SLC2A5: variants seen among roughly 807,000 people sequenced by gnomAD.
SLC2A5 encodes the protein solute carrier family 2 member 5.
SLC2A5 carries 56 observed loss-of-function variants against 50.3 expected under a neutral mutation model. The observed-to-expected ratio is 1.11, with a 90% confidence interval of 0.90 to 1.39. The LOEUF (loss-of-function observed/expected upper bound fraction) is 1.39. Among genes scored for constraint, SLC2A5 ranks in the 40% most tolerant of loss-of-function variants. SLC2A5 has a pLI of 0.00. For synonymous variants in SLC2A5, 269 were observed against 281.9 expected (o/e 0.95, Z 0.46); for missense variants, 566 against 650.1 (o/e 0.87, Z 1.41).
At chr1:9,080,941 T>C (rs1305779025) in intron 2 of SLC2A5, among the ~76,000 whole-genome samples, 1 of 152,088 alleles carries the variant, frequency 6.6e-6, no homozygotes, top group Non-Finnish European at 1.5e-5. Context: ...GCCAATAACC[T>C]CATCAAAATG....
intron 3 of SLC2A5, among the ~76,000 whole-genome samples, chr1:9,050,959 T>C (rs1453508620): frequency 1.3e-5 from 2 of 152,188 alleles, no homozygotes; most frequent in Non-Finnish European, 2.9e-5. Context: ...ACTGGACTGA[T>C]GAAATTCCAG....
intron 1 of SLC2A5, among the ~76,000 whole-genome samples, chr1:9,066,095 C>T (rs372735493): frequency 2.0e-5 from 3 of 152,142 alleles, no homozygotes; most frequent in Admixed American, 6.6e-5. Flanking sequence ...AGTGAGGACC[C>T]GGAGAGCACA....
rs946325459 is a variant in SLC2A5, at chr1:9,035,941, G to A, written c.*1645C>T. On this transcript the variant is annotated 3_prime_UTR_variant, in exon 12 of 12. Coordinates refer to ENST00000377424, the MANE Select transcript of SLC2A5 (RefSeq NM_003039.3). ...TCATGAGGCTGATTCACTACCATGA[G>A]AACAGTATGGGGGAAATTGCCCCCA... is the stretch of plus-strand genomic sequence containing the variant. The A allele has an allele frequency of 2.0e-5, 3 of 152,266 alleles. No individual in the cohort carries two copies. The highest frequency in any genetic ancestry group is 7.2e-5 in the African/African-American group (3 of 41,546). The allele number at this position is 152,266 out of a possible 1,614,324, so 9.4% of individuals were successfully genotyped here.
At chr1:9,093,379 T>C (rs12061918), upstream of SLC2A5, among the ~76,000 whole-genome samples, 31,438 of 152,120 alleles carry the variant, frequency 0.21, 3,791 homozygotes, top group East Asian at 0.52. Context: ...AGCCTTCTGT[T>C]ACATCTCCAC....
At chr1:9,059,688 C>T (rs955913263) in intron 1 of SLC2A5, among the ~76,000 whole-genome samples, 19 of 151,758 alleles carry the variant, frequency 1.3e-4, no homozygotes, top group African/African-American at 4.6e-4. Context: ...TGCCATCATG[C>T]CTGGCTAATT....
At chr1:9,065,543 A>G (rs1027529239) in intron 1 of SLC2A5, among the ~76,000 whole-genome samples, 3 of 152,208 alleles carry the variant, frequency 2.0e-5, no homozygotes, top group Admixed American at 6.5e-5. Flanking sequence ...CAGTTTCACA[A>G]ACAGGTAGTG....
At chr1:9,090,812 C>A (rs11487892), upstream of SLC2A5, among the ~76,000 whole-genome samples, 1 of 152,174 alleles carries the variant, frequency 6.6e-6, no homozygotes. Context: ...TCAATTAGAC[C>A]TCTCCCAACT....
rs373259018 is a variant in SLC2A5 at position 9,038,018 on chromosome 1, A to G, written c.1181T>C (p.Ile394Thr). 7 of 1,613,634 alleles carry G rather than the reference A, an allele frequency of 4.3e-6. No homozygotes were observed. The highest frequency in any genetic ancestry group is 4.0e-5 in the African/African-American group (3 of 74,908). Residue 394 changes from isoleucine to threonine, a missense_variant, in exon 11 of 12, where the codon ATA becomes ACA. By Grantham distance (89) the Ile-to-Thr change is moderately conservative. Coordinates refer to ENST00000377424, the MANE Select transcript of SLC2A5 (RefSeq NM_003039.3). Reference sequence around the variant, plus strand: ...GATCTCAGTGATGAGCAGCGCGGGTATGGGACCTGTAGGGGGAGGAGAGCA... The same window carrying G: ...GATCTCAGTGATGAGCAGCGCGGGTGTGGGACCTGTAGGGGGAGGAGAGCA... ...VIGHALGPSP[I>T]PALLITEIFL...
intron 3 of SLC2A5, among the ~76,000 whole-genome samples, chr1:9,049,387 C>A (rs1453868337): frequency 1.3e-5 from 2 of 152,220 alleles, no homozygotes; most frequent in Admixed American, 6.5e-5. Flanking sequence ...TCAAGGCTTA[C>A]CATAAAGCTA....
chr1:9,040,041 G>C lies in SLC2A5; in HGVS notation c.697+23C>G. 6.3e-7 allele frequency: 1 copy of C among 1,582,556 alleles called. No homozygotes were observed. Among genetic ancestry groups the C allele is most frequent in the Non-Finnish European group, 8.6e-7 (1 of 1,161,022 alleles). On this transcript the variant is annotated intron_variant, in intron 6 of 11. Coordinates refer to ENST00000377424, the MANE Select transcript of SLC2A5 (RefSeq NM_003039.3). This position sits in a 1 kb window ranked among gnomAD's most constrained non-coding sequence, Gnocchi z 4.3. ...GGCTGGGGAGCAGAACCTGGAGGCC[G>C]CCCCCGCCAGAGCCCTCGTTACCTT... is the stretch of plus-strand genomic sequence containing the variant.
chr1:9,069,481 C>T (rs777224083), intron 1 of SLC2A5, 23 bp downstream of exon 1: 2 of 1,613,546 alleles, frequency 1.2e-6, no homozygotes, highest in Non-Finnish European at 1.7e-6. Flanking sequence ...CTCTTGGCCC[C>T]TTTCCCTGAG....
upstream of SLC2A5, among the ~76,000 whole-genome samples, chr1:9,092,819 T>A (rs1642472779): frequency 6.6e-6 from 1 of 152,084 alleles, no homozygotes; most frequent in East Asian, 1.9e-4. Flanking sequence ...AAGCTATGCA[T>A]CCCCTATCAA....
intron 7 of SLC2A5, 29 bp from the exon 8 acceptor site, chr1:9,039,691 T>C: frequency 6.8e-7 from 1 of 1,478,158 alleles, no homozygotes; most frequent in Non-Finnish European, 9.0e-7. Context: ...GCTGGGCGGC[T>C]GCCCGGAGGA....
intron 3 of SLC2A5, among the ~76,000 whole-genome samples, chr1:9,050,284 A>G (rs192267618): frequency 1.3e-5 from 2 of 151,924 alleles, no homozygotes; most frequent in Admixed American, 1.3e-4. Context: ...TCTCAAAAAA[A>G]AAAAAGAAAA....
At chr1:9,065,251 C>T (rs1332472415) in intron 1 of SLC2A5, among the ~76,000 whole-genome samples, 3 of 152,116 alleles carry the variant, frequency 2.0e-5, no homozygotes, top group Non-Finnish European at 4.4e-5. Flanking sequence ...ACCTTGGCCC[C>T]AGTACACTCT....
At chr1:9,059,907 A>T (rs1182424877) in intron 1 of SLC2A5, among the ~76,000 whole-genome samples, 1 of 151,624 alleles carries the variant, frequency 6.6e-6, no homozygotes, top group African/African-American at 2.4e-5. Flanking sequence ...CTGCCTTGTC[A>T]TGGGGCCCCA....
intron 2 of SLC2A5, among the ~76,000 whole-genome samples, chr1:9,080,459 A>T (rs1217478027): frequency 6.6e-6 from 1 of 152,148 alleles, no homozygotes; most frequent in Non-Finnish European, 1.5e-5. Context: ...ATTTCTCCAC[A>T]TCCTCACCAG....
At chr1:9,044,743 C>T (rs1243098081) in intron 4 of SLC2A5, among the ~76,000 whole-genome samples, 13 of 152,054 alleles carry the variant, frequency 8.5e-5, no homozygotes, top group African/African-American at 2.9e-4. Context: ...TTAGTAGAGA[C>T]CGAGTTTCAC....
At chr1:9,075,912 C>T (rs1343630834) in intron 2 of SLC2A5, among the ~76,000 whole-genome samples, 1 of 151,972 alleles carries the variant, frequency 6.6e-6, no homozygotes, top group Admixed American at 6.6e-5. Context: ...CCACCCACCT[C>T]GGCCTCCCAA....
Sources: allele counts gnomAD v4.1 joint callset (sites outside exome capture counted in the v4.1 genomes callset), GRCh38; gene constraint gnomAD v4.1.1; non-coding constraint Gnocchi (gnomAD v3.1); transcripts MANE v1.5; gene names NCBI Gene and HGNC (gene_info 2026-07-23, HGNC 2026-07-21).